The following DNAH5 variants were observed in gnomAD, a reference collection of about 807,000 sequenced individuals.
The protein encoded by DNAH5 is axonemal beta dynein heavy chain 5.
In DNAH5, 372 loss-of-function variants were observed where a neutral mutation model predicts 518.2. The observed-to-expected ratio is 0.72, with a 90% confidence interval of 0.66 to 0.78. The LOEUF is 0.78. Among genes scored for constraint, DNAH5 ranks in the 30% least tolerant of loss-of-function variants. The pLI is 0.00. For missense variants in DNAH5, 5,523 were observed against 5,687.0 expected (o/e 0.97, Z 0.93); for synonymous variants, 2,039 against 2,025.9 (o/e 1.01, Z -0.17).
At chr5:13,988,028 G>A (rs1349083272) in intron 1 of DNAH5, among the ~76,000 whole-genome samples, 2 of 152,124 alleles carry the variant, frequency 1.3e-5, no homozygotes. Flanking sequence ...GAAGCCGCTA[G>A]GTGGTGAGCT....
intron 53 of DNAH5, among the ~76,000 whole-genome samples, chr5:13,780,534 C>T (rs2126834982): frequency 6.6e-6 from 1 of 152,312 alleles, no homozygotes; most frequent in African/African-American, 2.4e-5. Flanking sequence ...TCAACAGGGA[C>T]AATTGTCTTC....
At chr5:13,718,229 C>G (rs969964189) in intron 72 of DNAH5, among the ~76,000 whole-genome samples, 1 of 152,180 alleles carries the variant, frequency 6.6e-6, no homozygotes, top group African/African-American at 2.4e-5. Context: ...GAGAGATTCT[C>G]TTGTCCCTAT....
At position 13,830,168 on chromosome 5, in the gene DNAH5, C is replaced by T. The variant is rs760502991; in HGVS notation, c.6107G>A (p.Arg2036His). The T allele has an allele frequency of 3.7e-6, 6 of 1,613,806 alleles. No homozygotes were observed. Among genetic ancestry groups the T allele is most frequent in the African/African-American group, 1.3e-5 (1 of 74,862 alleles). Residue 2036 changes from arginine to histidine, a missense_variant, in exon 37 of 79, where the codon CGT becomes CAT. By Grantham distance (29) the Arg-to-His change is conservative. Coordinates refer to ENST00000265104, the MANE Select transcript of DNAH5 (RefSeq NM_001369.3). ...GSWGCFDEFNRIDLPVLSVAA... is the reference protein window; with the variant it reads ...GSWGCFDEFNHIDLPVLSVAA... The stretch of plus-strand genomic sequence containing the variant: ...AACCGAGAGAACTGGTAGATCAATA[C>T]GGTTAAATTCATCAAAACAACCCCA...
chr5:13,946,641 C>T (rs1252984929), upstream of DNAH5, among the ~76,000 whole-genome samples: 1 of 152,216 alleles, frequency 6.6e-6, no homozygotes, highest in East Asian at 1.9e-4. Context: ...ATATATAGGA[C>T]TCACACGAGG....
At position 13,841,053 on chromosome 5, in the gene DNAH5, T is replaced by G. The variant is rs1382216248; in HGVS notation, c.5562A>C (p.Lys1854Asn). The change falls in exon 34 of 79, where the codon AAA (lysine) becomes AAC (asparagine). Residue 1854 changes from lysine (K) to asparagine (N), a missense_variant. This residue lies in a region of DNAH5 where 5,121 missense variants were observed against 5,223.3 expected (regional missense o/e 0.98). Transcript: ENST00000265104. ...AAGCCTGATTAGTTTTCTGCATGAT[T>G]TTTTTATCAAACTTGGCATTTCTAA... is the stretch of plus-strand genomic sequence containing the variant. Reference protein sequence around the residue: ...EALRNAKFDKKIMQKTNQAFL... With the variant: ...EALRNAKFDKNIMQKTNQAFL... 3.1e-6 allele frequency: 5 copies of G among 1,614,066 alleles called. No homozygotes were observed. The highest frequency in any genetic ancestry group is 3.4e-6 in the Non-Finnish European group (4 of 1,180,016).
intron 1 of DNAH5, among the ~76,000 whole-genome samples, chr5:13,977,409 C>T (rs61154437): frequency 0.015 from 2,313 of 152,296 alleles, 71 homozygotes; most frequent in African/African-American, 0.053. Flanking sequence ...TAACACATTA[C>T]CATAGACCGA....
chr5:13,780,392 T>G (rs2126834009), intron 53 of DNAH5, among the ~76,000 whole-genome samples: 1 of 152,332 alleles, frequency 6.6e-6, no homozygotes, highest in East Asian at 1.9e-4. Flanking sequence ...AGATTCACCT[T>G]GCTCACCTAG....
chr5:13,769,011 T>C lies in DNAH5; in HGVS notation c.9846A>G (p.Glu3282=). ...AAGCTGGTTTTGCTGCTTCCAGTTTTTCTTCAGCAATGGCTTTGTCTTTAG... is the reference window on the plus strand; with the variant it reads ...AAGCTGGTTTTGCTGCTTCCAGTTTCTCTTCAGCAATGGCTTTGTCTTTAG... ...SISKDKAIAE[E]KLEAAKPALE... is the part of the protein sequence containing the mutation. Residue 3282 remains glutamate (E), a synonymous_variant, in exon 58 of 79, where the codon GAA becomes GAG. Coordinates refer to ENST00000265104, the MANE Select transcript of DNAH5 (RefSeq NM_001369.3). 6.2e-7 allele frequency: 1 copy of C among 1,614,244 alleles called. No individual in the cohort carries two copies. The highest frequency in any genetic ancestry group is 8.5e-7 in the Non-Finnish European group (1 of 1,180,036).
intron 59 of DNAH5, among the ~76,000 whole-genome samples, chr5:13,765,696 T>C: frequency 6.6e-6 from 1 of 152,210 alleles, no homozygotes; most frequent in Non-Finnish European, 1.5e-5. Flanking sequence ...AATATTTGTA[T>C]TCATGTGAAT....
At chr5:13,883,814 C>A (rs1327474758) in intron 19 of DNAH5, among the ~76,000 whole-genome samples, 1 of 152,016 alleles carries the variant, frequency 6.6e-6, no homozygotes, top group African/African-American at 2.4e-5. Flanking sequence ...AAGAACTATT[C>A]TCCATCCTGA....
At chr5:13,928,286 T>C in intron 2 of DNAH5, 108 bp from the exon 3 acceptor site, 1 of 768,852 alleles carries the variant, frequency 1.3e-6, no homozygotes. Flanking sequence ...ATCTTTCTTA[T>C]TCAAACAGGA....
chr5:13,867,057 G>A (rs1233606293), intron 25 of DNAH5, among the ~76,000 whole-genome samples: 1 of 152,182 alleles, frequency 6.6e-6, no homozygotes, highest in East Asian at 1.9e-4. Flanking sequence ...ACCAAGGAAC[G>A]CTGTGGAAAG....
chr5:13,720,625 G>A (rs1043544552), intron 71 of DNAH5, among the ~76,000 whole-genome samples: 9 of 152,050 alleles, frequency 5.9e-5, no homozygotes, highest in Middle Eastern at 3.4e-3. Context: ...CCTTAGCCTC[G>A]GCCTCCCAAA....
intron 53 of DNAH5, among the ~76,000 whole-genome samples, chr5:13,778,596 A>AAGAAAGAG (rs768853052): frequency 0.017 from 1,780 of 101,794 alleles, 19 homozygotes; most frequent in Middle Eastern, 0.028. Flanking sequence ...GAAAGAAAGA[A>AAGAAAGAG]AGAGAGAGAG....
Position 13,691,801 on chromosome 5 carries a change from T to G in DNAH5, c.*183A>C. 3 of 671,908 alleles carry G rather than the reference T, an allele frequency of 4.5e-6. No homozygotes were observed. The highest frequency in any genetic ancestry group is 7.5e-6 in the Non-Finnish European group (3 of 401,660). 41.6% of individuals were successfully genotyped at this position (671,908 alleles called of 1,614,324 possible). On this transcript the variant is annotated 3_prime_UTR_variant, in exon 79 of 79. Transcript: ENST00000265104. ...TAACATTTTCAACAAACTCAGACAT[T>G]GGTCACTAATGATGAAACAAGTAAA...
chr5:13,809,826 T>C (rs1304691118), intron 45 of DNAH5, among the ~76,000 whole-genome samples: 1 of 152,230 alleles, frequency 6.6e-6, no homozygotes, highest in Non-Finnish European at 1.5e-5. Flanking sequence ...GTTTCTTAAT[T>C]CATTGAAAGT....
At chr5:13,801,684 T>C (rs1758778168) in intron 47 of DNAH5, among the ~76,000 whole-genome samples, 1 of 152,150 alleles carries the variant, frequency 6.6e-6, no homozygotes, top group African/African-American at 2.4e-5. Context: ...GAATGAGCTT[T>C]CTAAAGGGCA....
intron 27 of DNAH5, 92 bp from the exon 28 acceptor site, chr5:13,864,729 G>A: frequency 7.2e-7 from 1 of 1,385,236 alleles, no homozygotes; most frequent in Non-Finnish European, 1.0e-6. Flanking sequence ...ATTAAAAACA[G>A]TCTCTTTGAA....
At chr5:13,824,813 G>C (rs1762687559) in intron 38 of DNAH5, among the ~76,000 whole-genome samples, 1 of 152,124 alleles carries the variant, frequency 6.6e-6, no homozygotes, top group Non-Finnish European at 1.5e-5. Flanking sequence ...CTGCGCTTCA[G>C]GATTACCTGA....
Sources: allele counts gnomAD v4.1 joint callset (sites outside exome capture counted in the v4.1 genomes callset), GRCh38; gene constraint gnomAD v4.1.1; regional missense constraint gnomAD v4.1.1; transcripts MANE v1.5; gene names NCBI Gene and HGNC (gene_info 2026-07-23, HGNC 2026-07-21).